Variants in ST18 observed in about 807,000 individuals in gnomAD.
The protein encoded by ST18 is suppression of tumorigenicity 18 protein.
In ST18, 50 loss-of-function variants were observed where a neutral mutation model predicts 110.0. That is an observed-to-expected ratio of 0.45 (90% CI 0.36 to 0.58). ST18 has a LOEUF of 0.58. Ranked by LOEUF, ST18 falls within the 20% of genes least tolerant of loss-of-function variation. The probability of loss-of-function intolerance (pLI) is 0.00; values close to 1 mark genes in which losing one functional copy is unlikely to be tolerated. For missense variants in ST18, 1,306 were observed against 1,280.1 expected (o/e 1.02, Z -0.31); for synonymous variants, 461 against 452.4 (o/e 1.02, Z -0.24).
intron 8 of ST18, among the ~76,000 whole-genome samples, chr8:52,207,827 G>T (rs779319153): frequency 2.6e-5 from 4 of 152,150 alleles, no homozygotes; most frequent in Admixed American, 6.5e-5. Flanking sequence ...AGAGGAAGGG[G>T]GCTGGACTGG....
chr8:52,266,242 T>G (rs7835062), intron 2 of ST18, among the ~76,000 whole-genome samples: 8,586 of 152,174 alleles, frequency 0.056, 816 homozygotes, highest in African/African-American at 0.2. Flanking sequence ...GCCTGGAAAT[T>G]GAGGCTGGTC....
intron 2 of ST18, among the ~76,000 whole-genome samples, chr8:52,273,675 A>G (rs956954064): frequency 7.9e-5 from 12 of 152,242 alleles, no homozygotes; most frequent in African/African-American, 2.7e-4. Context: ...AATGGGTTCT[A>G]TTAGAACTAA....
intron 2 of ST18, among the ~76,000 whole-genome samples, chr8:52,370,798 T>G (rs1218337545): frequency 6.6e-6 from 1 of 152,154 alleles, no homozygotes; most frequent in Admixed American, 6.5e-5. Context: ...CTCTCTGAAG[T>G]TGCTAAGAGG....
At chr8:52,265,250 A>G (rs73681236) in intron 2 of ST18, among the ~76,000 whole-genome samples, 8,604 of 152,314 alleles carry the variant, frequency 0.056, 825 homozygotes, top group African/African-American at 0.2. Context: ...AAGAGCCTCC[A>G]GTGCAACAGG....
chr8:52,219,724 C>T (rs76484592), intron 5 of ST18, among the ~76,000 whole-genome samples: 2,920 of 151,988 alleles, frequency 0.019, 88 homozygotes, highest in East Asian at 0.079. Context: ...TAGGCACATT[C>T]CCCCCAGAAG....
At chr8:52,177,689 T>C (rs73679153) in intron 9 of ST18, among the ~76,000 whole-genome samples, 2,331 of 152,346 alleles carry the variant, frequency 0.015, 60 homozygotes, top group African/African-American at 0.051. Flanking sequence ...AGTCAGTGTG[T>C]GAGGACAACT....
intron 10 of ST18, among the ~76,000 whole-genome samples, chr8:52,168,215 G>A (rs528835916): frequency 1.1e-4 from 16 of 149,096 alleles, no homozygotes; most frequent in Admixed American, 2.7e-4. Context: ...GGAGGCTATC[G>A]GGGTCTGCAA....
intron 2 of ST18, among the ~76,000 whole-genome samples, chr8:52,244,496 GA>G (rs952668342): frequency 6.6e-6 from 1 of 152,042 alleles, no homozygotes; most frequent in Admixed American, 6.5e-5. Context: ...TAATCCCTAG[GA>G]AAAAAATTCC....
At chr8:52,242,535 AATAGAT>A (rs940286722) in intron 2 of ST18, among the ~76,000 whole-genome samples, 3 of 152,190 alleles carry the variant, frequency 2.0e-5, no homozygotes, top group Admixed American at 6.5e-5. Context: ...GAAAAGAATT[AATAGAT>A]ATAAAGTACT....
rs1279854371 is a variant in ST18, at chr8:52,111,679, T to C, written c.*1519A>G. 4 of 152,644 alleles carry C rather than the reference T, an allele frequency of 2.6e-5. No individual in the cohort carries two copies. The highest frequency in any genetic ancestry group is 4.8e-5 in the African/African-American group (2 of 41,446). 9.5% of individuals were successfully genotyped at this position (152,644 alleles called of 1,614,324 possible). A position where few individuals can be genotyped will look rare whatever the true frequency, so the allele number is the denominator to read the frequency against. On this transcript the variant is annotated 3_prime_UTR_variant, in exon 26 of 26. Transcript: ENST00000689386. ...AATAAAAAATAAACACTTTTGTTTA[T>C]AGCACAGAAAATTAAGCCCACATGA...
chr8:52,140,527 A>G (rs1019895627), intron 17 of ST18, among the ~76,000 whole-genome samples: 3 of 149,062 alleles, frequency 2.0e-5, no homozygotes, highest in Non-Finnish European at 3.0e-5. Context: ...CCATCTCAAA[A>G]TAAATAGATA....
intron 8 of ST18, chr8:52,194,595 C>T (rs969567329): frequency 6.6e-6 from 1 of 152,180 alleles, no homozygotes; most frequent in Admixed American, 6.5e-5. Context: ...GGAGAACTGC[C>T]TTCCTCCGGG....
chr8:52,309,292 G>A, intron 2 of ST18, among the ~76,000 whole-genome samples: 1 of 152,154 alleles, frequency 6.6e-6, no homozygotes, highest in East Asian at 1.9e-4. Context: ...TGGCCGAGGT[G>A]GGTGGGTCAC....
At chr8:52,266,912 C>G (rs1176545756) in intron 2 of ST18, among the ~76,000 whole-genome samples, 1 of 152,156 alleles carries the variant, frequency 6.6e-6, no homozygotes, top group African/African-American at 2.4e-5. Context: ...CTCTGCAGCC[C>G]TGTGCCTCTG....
chr8:52,151,994 A>T (rs937566814), intron 15 of ST18, among the ~76,000 whole-genome samples: 1 of 152,214 alleles, frequency 6.6e-6, no homozygotes, highest in Admixed American at 6.5e-5. Context: ...ACAGGCAAAA[A>T]TTCTAAATAG....
At chr8:52,201,118 G>A (rs1307507414) in intron 8 of ST18, 1 of 152,414 alleles carries the variant, frequency 6.6e-6, no homozygotes, top group African/African-American at 2.4e-5. Flanking sequence ...GGAGACCTGA[G>A]AAGATGCAGT....
At chr8:52,368,627 T>G (rs1222170245) in intron 2 of ST18, among the ~76,000 whole-genome samples, 1 of 152,176 alleles carries the variant, frequency 6.6e-6, no homozygotes, top group African/African-American at 2.4e-5. Context: ...TGCCACATAG[T>G]GACTCAGGGA....
At chr8:52,247,912 T>G (rs1437575168) in intron 2 of ST18, among the ~76,000 whole-genome samples, 2 of 152,194 alleles carry the variant, frequency 1.3e-5, no homozygotes, top group South Asian at 2.1e-4. Context: ...TTCACAAAAT[T>G]TATTGCCTCC....
chr8:52,161,672 T>C (rs1057102861), intron 13 of ST18, 104 bp from the exon 14 acceptor site: 25 of 1,292,066 alleles, frequency 1.9e-5, no homozygotes, highest in African/African-American at 3.0e-5. Context: ...CCTGAAGGTA[T>C]CCACAGAGAC....
Sources: allele counts gnomAD v4.1 joint callset (sites outside exome capture counted in the v4.1 genomes callset), GRCh38; gene constraint gnomAD v4.1.1; transcripts MANE v1.5; gene names NCBI Gene and HGNC (gene_info 2026-07-23, HGNC 2026-07-21).